The following MRI1 variants were observed in gnomAD, a reference collection of about 807,000 sequenced individuals.
MRI1 encodes methylthioribose-1-phosphate isomerase 1, also known as methylthioribose-1-phosphate isomerase.
MRI1 carries 32 observed loss-of-function variants against 27.3 expected under a neutral mutation model. The ratio of observed to expected loss-of-function variants is 1.17; its 90% CI spans 0.88 to 1.57. The LOEUF (loss-of-function observed/expected upper bound fraction) is 1.57, where lower values mean the gene tolerates loss of function less well. MRI1 is among the 40% of genes most tolerant of loss of function. The pLI, the probability that MRI1 is intolerant of heterozygous loss-of-function variation, is 0.00. For missense variants in MRI1, 508 were observed against 516.1 expected (o/e 0.98, Z 0.15); for synonymous variants, 216 against 227.4 (o/e 0.95, Z 0.45).
intron 3 of MRI1, among the ~76,000 whole-genome samples, chr19:13,767,035 ATATTTTTTTTTTTTTTTTTT>A (rs1178959168): frequency 5.4e-4 from 10 of 18,512 alleles, no homozygotes; most frequent in African/African-American, 2.9e-3. Flanking sequence ...ATATATATAT[ATATTTTTTTTTTTTTTTTTT>A]TTTTTTTTTT....
intron 5 of MRI1, among the ~76,000 whole-genome samples, chr19:13,770,752 A>AGG (rs1974252379): frequency 6.6e-6 from 1 of 152,010 alleles, no homozygotes; most frequent in Non-Finnish European, 1.5e-5. Flanking sequence ...GCGTGGTGGC[A>AGG]CATGCCTGTA....
chr19:13,772,000 C>G, intron 5 of MRI1, 121 bp from the exon 6 acceptor site: 1 of 897,506 alleles, frequency 1.1e-6, no homozygotes, highest in Non-Finnish European at 1.7e-6. Context: ...GGGTGAGAAT[C>G]CTCAGGTTCT....
intron 5 of MRI1, among the ~76,000 whole-genome samples, chr19:13,769,964 TTTTA>T (rs1027835248): frequency 1.3e-5 from 2 of 151,922 alleles, no homozygotes; most frequent in African/African-American, 2.4e-5. Flanking sequence ...CTACACTTAT[TTTTA>T]TTTGTTTATT....
chr19:13,771,953 C>G (rs1359280736), intron 5 of MRI1, among the ~76,000 whole-genome samples, 168 bp from the exon 6 acceptor site: 1 of 152,206 alleles, frequency 6.6e-6, no homozygotes, highest in Non-Finnish European at 1.5e-5. Context: ...TCTAAACTTA[C>G]TATTGAGTAC....
At chr19:13,771,970 C>G in intron 5 of MRI1, 151 bp from the exon 6 acceptor site, 1 of 654,658 alleles carries the variant, frequency 1.5e-6, no homozygotes, top group Non-Finnish European at 2.6e-6. Context: ...GTACAATGTC[C>G]ATGCCTGCAT....
chr19:13,768,767 G>C, intron 4 of MRI1, 30 bp downstream of exon 4: 1 of 1,597,552 alleles, frequency 6.3e-7, no homozygotes, highest in Non-Finnish European at 8.6e-7. Flanking sequence ...TGGGGGCGGG[G>C]CTCTGGAGCA....
In MRI1 at chr19:13,764,527, G is replaced by A; in HGVS notation, c.-62G>A. On this transcript the variant is annotated 5_prime_UTR_variant, in exon 1 of 6. Coordinates refer to ENST00000040663, the MANE Select transcript of MRI1 (RefSeq NM_001031727.4). ...GAGGCTCCGCCCACGGCCCCGCCCC[G>A]CTCCCAAGTGCGCGCGGACCCCTAG... is the stretch of plus-strand genomic sequence containing the variant. 6.3e-7 allele frequency: 1 copy of A among 1,582,090 alleles called. No individual in the cohort carries two copies. Among genetic ancestry groups the A allele is most frequent in the Non-Finnish European group, 8.6e-7 (1 of 1,165,782 alleles).
Position 13,764,539 on chromosome 19 carries a change from G to A in MRI1, c.-50G>A. 6.3e-7 allele frequency: 1 copy of A among 1,589,508 alleles called. No homozygotes were observed. The highest frequency in any genetic ancestry group is 2.3e-5 in the East Asian group (1 of 44,294). On this transcript the variant is annotated 5_prime_UTR_variant, in exon 1 of 6. Transcript: ENST00000040663. ...ACGGCCCCGCCCCGCTCCCAAGTGC[G>A]CGCGGACCCCTAGCTCCCTCTGAGT...
At position 13,768,694 on chromosome 19, in the gene MRI1, C is replaced by T. The variant is rs755524783; in HGVS notation, c.681C>T (p.Thr227=). 8 of 1,613,856 alleles carry T rather than the reference C, an allele frequency of 5.0e-6. No individual in the cohort carries two copies. Among genetic ancestry groups the T allele is most frequent in the South Asian group, 3.3e-5 (3 of 91,090 alleles). Residue 227 remains threonine (T), a synonymous_variant, in exon 4 of 6, where the codon ACC becomes ACT. Coordinates refer to ENST00000040663, the MANE Select transcript of MRI1 (RefSeq NM_001031727.4). ...AGCAGATCCCCGCCACCCTTATCAC[C>T]GACAGCATGGTGGCTGCTGCCATGG... The part of the protein sequence containing the change: ...VYEQIPATLI[T]DSMVAAAMAH...
intron 3 of MRI1, among the ~76,000 whole-genome samples, chr19:13,766,401 A>G (rs1469970901): frequency 6.6e-6 from 1 of 152,046 alleles, no homozygotes; most frequent in Non-Finnish European, 1.5e-5. Flanking sequence ...GGTCCAAATC[A>G]TGAGGAAAAG....
intron 5 of MRI1, among the ~76,000 whole-genome samples, chr19:13,771,503 C>T (rs1006134162): frequency 1.3e-5 from 2 of 152,056 alleles, no homozygotes; most frequent in African/African-American, 4.8e-5. Context: ...TGTACTACAG[C>T]CTGGGTGACA....
chr19:13,771,880 G>T (rs115345793), intron 5 of MRI1, among the ~76,000 whole-genome samples: 2,918 of 152,188 alleles, frequency 0.019, 90 homozygotes, highest in African/African-American at 0.067. Context: ...AAAATAAGTG[G>T]CATAGATGTG....
rs532495711 is a variant in MRI1 at position 13,772,155 on chromosome 19, C to A, written c.984C>A (p.Thr328=). 1.9e-6 allele frequency: 3 copies of A among 1,613,448 alleles called. No homozygotes were observed. The South Asian group carries it at 3.3e-5, about 18-fold the overall frequency. The change falls in exon 6 of 6, where the codon ACC becomes ACA. Residue 328 remains threonine (T), a synonymous_variant. Coordinates refer to ENST00000040663, the MANE Select transcript of MRI1 (RefSeq NM_001031727.4). The part of the protein sequence containing the change: ...IGVWNPAFDV[T]PHDLITGGII... ...TTTGGAATCCTGCCTTCGATGTCAC[C>A]CCCCACGACCTCATCACTGGTGGCA...
chr19:13,767,037 A>ATATATATATATATTTT (rs1974149223), intron 3 of MRI1, among the ~76,000 whole-genome samples: 1 of 21,128 alleles, frequency 4.7e-5, no homozygotes, highest in African/African-American at 1.8e-4. Flanking sequence ...ATATATATAT[A>ATATATATATATATTTT]TTTTTTTTTT....
chr19:13,769,168 T>A, intron 5 of MRI1, 120 bp downstream of exon 5: 1 of 846,554 alleles, frequency 1.2e-6, no homozygotes, highest in Non-Finnish European at 1.8e-6. Context: ...CACTTTTTCT[T>A]TTTTCTTTTT....
At chr19:13,764,779 G>A (rs1355673660) in intron 1 of MRI1, 59 bp downstream of exon 1, 2 of 711,022 alleles carry the variant, frequency 2.8e-6, no homozygotes, top group Non-Finnish European at 3.5e-6. Flanking sequence ...GGGCGGCGGG[G>A]CGGCGGGGCG....
intron 3 of MRI1, 33 bp from the exon 4 acceptor site, chr19:13,768,527 CG>C: frequency 6.3e-7 from 1 of 1,596,188 alleles, no homozygotes. Context: ...TGCCCCTCCC[CG>C]GGGCCTTCTC....
chr19:13,768,977 A>G lies in MRI1; in HGVS notation c.878A>G (p.Lys293Arg). 3 of 1,614,044 alleles carry G rather than the reference A, an allele frequency of 1.9e-6. No individual in the cohort carries two copies. The highest frequency in any genetic ancestry group is 2.2e-5 in the South Asian group (2 of 91,066). ...SSCDLRLETG[K>R]EIIIEERPGQ... ...TGTGACCTCCGTCTGGAGACCGGCA[A>G]GGAGATCATTATTGAAGAGCGACCG... The change falls in exon 5 of 6, where the codon AAG (lysine) becomes AGG (arginine). Residue 293 changes from lysine (K) to arginine (R), a missense_variant. Lys to Arg is a conservative substitution (Grantham distance 26). Transcript: ENST00000040663.
chr19:13,768,291 GTGTGGGGAT>G, intron 3 of MRI1: 1 of 798,224 alleles, frequency 1.3e-6, no homozygotes, highest in Middle Eastern at 2.2e-4. Flanking sequence ...GAAACTGAAA[GTGTGGGGAT>G]TGCTATGCAA....
Sources: gnomAD v4.1 joint callset for allele counts (sites outside exome capture counted in the v4.1 genomes callset) on GRCh38, gnomAD v4.1.1 for gene constraint, MANE v1.5 for transcripts, NCBI Gene and HGNC (gene_info 2026-07-23, HGNC 2026-07-21) for gene names.